ABCA13: variants seen among roughly 807,000 people sequenced by gnomAD.
ABCA13 encodes ATP binding cassette subfamily A member 13, also known as ATP-binding cassette sub-family A member 13.
ABCA13 carries 476 observed loss-of-function variants against 478.7 expected under a neutral mutation model. The ratio of observed to expected loss-of-function variants is 0.99; its 90% confidence interval spans 0.92 to 1.07. The LOEUF is 1.07. ABCA13 is among the 50% of genes least tolerant of loss of function. The pLI is 0.00. For missense variants in ABCA13, 6,060 were observed against 5,910.6 expected, an observed-to-expected ratio of 1.03 and a Z score of -0.83; for synonymous variants, 2,252 against 2,158.9, an observed-to-expected ratio of 1.04 and a Z score of -1.20.
chr7:48,516,275 G>T (rs1832101191), intron 51 of ABCA13, among the ~76,000 whole-genome samples: 1 of 152,156 alleles, frequency 6.6e-6, no homozygotes, highest in Non-Finnish European at 1.5e-5. Context: ...CAGTTTTAAA[G>T]GGCACAGTGT....
rs377050338 is a variant in ABCA13, at chr7:48,272,695, C to T, written c.3029C>T (p.Ala1010Val). 2.5e-6 allele frequency: 4 copies of T among 1,611,994 alleles called. No individual in the cohort carries two copies. Among genetic ancestry groups the T allele is most frequent in the Non-Finnish European group, 3.4e-6 (4 of 1,178,788 alleles). ...TTTAATTTCCAAAACATCAGTAAAG[C>T]ATTTGCATTTTTATTTAAGACAGCA... ...KQFNFQNISK[A>V]FAFLFKTAEV... The change falls in exon 17 of 62, where the codon GCA becomes GTA. Residue 1010 changes from alanine (A) to valine (V), a missense_variant. Ala to Val is a moderately conservative substitution (Grantham distance 64, BLOSUM62 0). Transcript: ENST00000435803.
Position 48,272,876 on chromosome 7 carries a change from A to G in ABCA13, c.3210A>G (p.Ile1070Met). ...TTLTGLKQLL[I>M]IDEDFRISLF... ...TGACAGGCCTCAAACAGCTGCTCAT[A>G]ATTGATGAAGATTTTCGTATTTCTT... Residue 1070 changes from isoleucine (I) to methionine (M), a missense_variant, in exon 17 of 62, where the codon ATA (isoleucine) becomes ATG (methionine). Physicochemically the swap from Ile to Met is conservative, Grantham distance 10. Transcript: ENST00000435803. The G allele has an allele frequency of 1.2e-6, 2 of 1,608,064 alleles. No individual in the cohort carries two copies. Among genetic ancestry groups the G allele is most frequent in the Non-Finnish European group, 1.7e-6 (2 of 1,176,418 alleles).
chr7:48,276,260 C>A lies in ABCA13; in HGVS notation c.6594C>A (p.Phe2198Leu). 1 of 1,570,036 alleles carries A rather than the reference C, an allele frequency of 6.4e-7. No individual in the cohort carries two copies. Among genetic ancestry groups the A allele is most frequent in the Non-Finnish European group, 8.6e-7 (1 of 1,156,538 alleles). The stretch of plus-strand genomic sequence containing the variant: ...TAAATCAAGAACAGCTGACTAATTT[C>A]TCAGTTGTTCAGCTGCTTTTTGAAA... The part of the protein sequence containing the change: ...HLLNQEQLTN[F>L]SVVQLLFENI... The change falls in exon 17 of 62, where the codon TTC (phenylalanine) becomes TTA (leucine). Residue 2198 changes from phenylalanine to leucine, a missense_variant. Transcript: ENST00000435803.
chr7:48,534,069 T>C (rs1383719382), intron 55 of ABCA13, among the ~76,000 whole-genome samples: 1 of 152,200 alleles, frequency 6.6e-6, no homozygotes, highest in Non-Finnish European at 1.5e-5. Context: ...ATATAGGTCC[T>C]GTGAGATTTA....
intron 55 of ABCA13, among the ~76,000 whole-genome samples, chr7:48,563,797 TGTGTGTG>T (rs1786715130): frequency 1.3e-4 from 5 of 39,116 alleles, no homozygotes; most frequent in South Asian, 2.8e-3. Flanking sequence ...TTACTGCTTG[TGTGTGTG>T]TGTGTGTGTG....
chr7:48,273,760 T>G lies in ABCA13; in HGVS notation c.4094T>G (p.Val1365Gly), dbSNP rs778435593. 6.2e-7 allele frequency: 1 copy of G among 1,610,770 alleles called. No individual in the cohort carries two copies. Among genetic ancestry groups the G allele is most frequent in the East Asian group, 2.2e-5 (1 of 44,764 alleles). ...ATTTTAGAAGATGGCTTTTTATATG[T>G]AAATACCTCACAGAGGATGTTACGT... ...ECILEDGFLYVNTSQRMLRIL... is the reference protein window; with the variant it reads ...ECILEDGFLYGNTSQRMLRIL... Residue 1365 changes from valine (V) to glycine (G), a missense_variant, in exon 17 of 62, where the codon GTA becomes GGA. By Grantham distance (109) the Val-to-Gly change is moderately radical (BLOSUM62 -3). Transcript: ENST00000435803.
chr7:48,316,673 A>G (rs1039058798), intron 26 of ABCA13, among the ~76,000 whole-genome samples: 4 of 152,232 alleles, frequency 2.6e-5, no homozygotes, highest in African/African-American at 9.7e-5. Context: ...CAGACTATAC[A>G]AGAAGCATGG....
intron 15 of ABCA13, among the ~76,000 whole-genome samples, chr7:48,258,008 C>T (rs1249781271): frequency 2.0e-5 from 3 of 152,136 alleles, no homozygotes; most frequent in Non-Finnish European, 2.9e-5. Context: ...ACTGCACCCT[C>T]GACCTCCCAG....
chr7:48,517,030 A>T lies in ABCA13; in HGVS notation c.13797+149A>T, dbSNP rs948914694. 8 of 933,760 alleles carry T rather than the reference A, an allele frequency of 8.6e-6. No individual in the cohort carries two copies. In the African/African-American group the frequency reaches 1.2e-4, roughly 14 times the overall value. 57.8% of individuals were successfully genotyped at this position (933,760 alleles called of 1,614,324 possible). On this transcript the variant is annotated intron_variant, in intron 52 of 61. Transcript: ENST00000435803. ...CTTTAAACTCCAGAGAGATAAATGG[A>T]TTCTAATTAACAAAAAACACATTGC... is the stretch of plus-strand genomic sequence containing the variant.
intron 51 of ABCA13, among the ~76,000 whole-genome samples, chr7:48,516,430 T>A (rs1832116886): frequency 6.6e-6 from 1 of 152,136 alleles, no homozygotes; most frequent in African/African-American, 2.4e-5. Flanking sequence ...GTGCTTGTGT[T>A]CAAGGGACCT....
chr7:48,313,086 C>A lies in ABCA13; in HGVS notation c.9536C>A (p.Ala3179Glu), dbSNP rs768080079. 3.8e-6 allele frequency: 6 copies of A among 1,598,768 alleles called. No homozygotes were observed. The highest frequency in any genetic ancestry group is 4.5e-5 in the East Asian group (2 of 44,474). ...FIYKTLMPSE[A>E]NGLLNSLLDI... ...CTTTAGACTCTGATGCCTTCTGAAG[C>A]AAATGGCTTGCTCAACTCCTTGCTG... The change falls in exon 25 of 62, where the codon GCA (alanine) becomes GAA (glutamate). Residue 3179 changes from alanine to glutamate, a missense_variant. This residue lies in a region of ABCA13 where 4,423 missense variants were observed against 4,309.1 expected (regional missense o/e 1.03). Coordinates refer to ENST00000435803, the MANE Select transcript of ABCA13 (RefSeq NM_152701.5).
intron 54 of ABCA13, among the ~76,000 whole-genome samples, chr7:48,527,623 T>C (rs1832969256): frequency 6.6e-6 from 1 of 152,204 alleles, no homozygotes; most frequent in African/African-American, 2.4e-5. Flanking sequence ...GAGTTGACTC[T>C]ATGCTCAATG....
At chr7:48,179,351 C>A (rs934354597) in intron 1 of ABCA13, among the ~76,000 whole-genome samples, 1 of 152,206 alleles carries the variant, frequency 6.6e-6, no homozygotes, top group Non-Finnish European at 1.5e-5. Context: ...TTCAAGGAAA[C>A]CTTACCCGAG....
intron 37 of ABCA13, among the ~76,000 whole-genome samples, chr7:48,391,513 C>T (rs1034034204): frequency 1.6e-4 from 24 of 152,222 alleles, no homozygotes; most frequent in South Asian, 2.1e-4. Context: ...TTATAAAATA[C>T]GCTTTGTGAT....
chr7:48,338,308 A>G, intron 28 of ABCA13, 57 bp from the exon 29 acceptor site: 1 of 1,280,796 alleles, frequency 7.8e-7, no homozygotes, highest in Non-Finnish European at 1.1e-6. Context: ...AATAAGTATT[A>G]TTCAATAATA....
chr7:48,596,617 A>T (rs1384467043), intron 58 of ABCA13, among the ~76,000 whole-genome samples: 3 of 151,960 alleles, frequency 2.0e-5, no homozygotes, highest in Non-Finnish European at 4.4e-5. Context: ...AAGACCATGG[A>T]GAAACCACAT....
chr7:48,290,239 G>T (rs969240800), intron 20 of ABCA13, among the ~76,000 whole-genome samples: 4 of 152,118 alleles, frequency 2.6e-5, no homozygotes, highest in African/African-American at 9.7e-5. Context: ...GTATTTCCTG[G>T]GCTAAGCTGA....
chr7:48,451,941 A>G, intron 42 of ABCA13, among the ~76,000 whole-genome samples: 1 of 152,222 alleles, frequency 6.6e-6, no homozygotes, highest in Admixed American at 6.5e-5. Context: ...AAAGAAGGCA[A>G]TTCATAACAA....
intron 42 of ABCA13, among the ~76,000 whole-genome samples, chr7:48,434,247 A>G (rs995048879): frequency 2.0e-5 from 3 of 151,904 alleles, no homozygotes; most frequent in African/African-American, 7.2e-5. Flanking sequence ...TTTGATTTGC[A>G]TTTCCCTAAG....
Sources: gnomAD v4.1 joint callset for allele counts (sites outside exome capture counted in the v4.1 genomes callset) on GRCh38, gnomAD v4.1.1 for gene constraint, gnomAD v4.1.1 regional missense constraint, MANE v1.5 for transcripts, NCBI Gene and HGNC (gene_info 2026-07-23, HGNC 2026-07-21) for gene names.